ARHGAP17: variants seen among roughly 807,000 people sequenced by gnomAD.
ARHGAP17 encodes Rho GTPase activating protein 17, also known as rho GTPase-activating protein 17.
Under a neutral mutation model 99.5 loss-of-function variants are expected in ARHGAP17, and 57 were observed. The observed-to-expected ratio is 0.57, with a 90% CI of 0.46 to 0.71. The LOEUF is 0.71. Among genes scored for constraint, ARHGAP17 ranks in the 30% least tolerant of loss-of-function variants. ARHGAP17 has a pLI of 0.00. For missense variants in ARHGAP17, 1,000 were observed against 1,122.4 expected (o/e 0.89, Z 1.56); for synonymous variants, 417 against 429.6 (o/e 0.97, Z 0.36).
chr16:24,989,090 G>A (rs945722427), intron 1 of ARHGAP17, among the ~76,000 whole-genome samples: 3 of 152,338 alleles, frequency 2.0e-5, no homozygotes, highest in Admixed American at 1.3e-4. Flanking sequence ...CAGAGGCTAG[G>A]AGGAGCTGAA....
intron 12 of ARHGAP17, 58 bp from the exon 13 acceptor site, chr16:24,949,542 T>C (rs1012888104): frequency 1.4e-6 from 2 of 1,440,466 alleles, no homozygotes; most frequent in African/African-American, 2.8e-5. Context: ...ATCTTATTAA[T>C]ATGCTATGTT....
chr16:24,934,963 G>A (rs1486907700), intron 18 of ARHGAP17, among the ~76,000 whole-genome samples: 3 of 152,170 alleles, frequency 2.0e-5, no homozygotes, highest in East Asian at 1.9e-4. Flanking sequence ...TGAGAAGTTC[G>A]CATGGAAGCC....
chr16:24,961,518 ATTTTTTT>A (rs1171754361), intron 7 of ARHGAP17, among the ~76,000 whole-genome samples: 3 of 81,504 alleles, frequency 3.7e-5, no homozygotes, highest in East Asian at 5.1e-4. Flanking sequence ...AAAAAAAAAA[ATTTTTTT>A]TTTTTTTTTT....
intron 1 of ARHGAP17, among the ~76,000 whole-genome samples, chr16:25,013,670 G>A (rs1403067947): frequency 6.6e-6 from 1 of 151,720 alleles, no homozygotes; most frequent in African/African-American, 2.4e-5. Context: ...TGACCCAGGA[G>A]TCAAAGAGAC....
intron 1 of ARHGAP17, among the ~76,000 whole-genome samples, chr16:24,986,415 A>G (rs984156678): frequency 6.6e-6 from 1 of 152,218 alleles, no homozygotes; most frequent in African/African-American, 2.4e-5. Flanking sequence ...CGCAGGCTCA[A>G]TCTAGCTCAC....
At chr16:24,920,497 G>A in intron 19 of ARHGAP17, 1 of 464,922 alleles carries the variant, frequency 2.2e-6, no homozygotes, top group Non-Finnish European at 3.9e-6. Flanking sequence ...TATGAGCCCG[G>A]AGCAGCCCTT....
chr16:24,927,661 C>G, intron 19 of ARHGAP17: 1 of 1,168,764 alleles, frequency 8.6e-7, no homozygotes, highest in South Asian at 1.6e-5. Context: ...AATGCATTGG[C>G]CAATCAGGTG....
At chr16:25,000,819 G>T (rs1189676502) in intron 1 of ARHGAP17, among the ~76,000 whole-genome samples, 2 of 152,036 alleles carry the variant, frequency 1.3e-5, no homozygotes, top group African/African-American at 4.8e-5. Flanking sequence ...CCATATAGTT[G>T]GACTACTACA....
intron 1 of ARHGAP17, among the ~76,000 whole-genome samples, chr16:24,979,424 C>T (rs1320461997): frequency 1.3e-5 from 2 of 152,168 alleles, no homozygotes; most frequent in Non-Finnish European, 2.9e-5. Flanking sequence ...TTTGAGAAAA[C>T]ACTGTTCTAC....
chr16:25,010,073 C>CT lies in ARHGAP17; in HGVS notation c.53+5135dup, dbSNP rs1420364320. 7.4e-5 allele frequency among the ~76,000 whole-genome samples: 11 copies of CT among 148,624 alleles called. No homozygotes were observed. The South Asian group carries it at 1.9e-3, about 26-fold the overall frequency. ...AACTTAGAAAGTCAGGTTTCTTCCT[C>CT]TTTTTTTTCTTTTTTTTTTTGAGAC... On this transcript the variant is annotated intron_variant, in intron 1 of 19. Transcript: ENST00000289968.
intron 1 of ARHGAP17, among the ~76,000 whole-genome samples, chr16:25,008,874 C>G (rs1417606516): frequency 2.0e-5 from 3 of 152,098 alleles, no homozygotes; most frequent in Non-Finnish European, 4.4e-5. Flanking sequence ...GATTTTCACT[C>G]AACTATAAAT....
intron 1 of ARHGAP17, among the ~76,000 whole-genome samples, chr16:24,992,059 G>A (rs916364201): frequency 1.3e-5 from 2 of 152,166 alleles, no homozygotes; most frequent in Non-Finnish European, 2.9e-5. Context: ...AAAAGGTTTG[G>A]GGAGGAGTGT....
At chr16:24,938,518 T>C (rs1333499665) in intron 17 of ARHGAP17, among the ~76,000 whole-genome samples, 1 of 151,976 alleles carries the variant, frequency 6.6e-6, no homozygotes, top group Non-Finnish European at 1.5e-5. Flanking sequence ...AATCCCAGCA[T>C]TTTGGAAGGC....
intron 1 of ARHGAP17, among the ~76,000 whole-genome samples, chr16:25,005,580 TTA>T (rs1184974644): frequency 1.2e-4 from 18 of 152,344 alleles, no homozygotes; most frequent in Admixed American, 3.3e-4. Context: ...CAGGGATCAA[TTA>T]TATTTTTAAC....
rs754030748 is a variant in ARHGAP17, at chr16:24,968,703, A to G, written c.342T>C (p.Phe114=). Reference sequence around the variant, plus strand: ...GAGGGTCCACGATCTCCTTCTCAACAAAGACTTCGTGCTGGGAGAGCTCGA... The same window carrying G: ...GAGGGTCCACGATCTCCTTCTCAACGAAGACTTCGTGCTGGGAGAGCTCGA... The part of the protein sequence containing the change: ...LALELSQHEV[F]VEKEIVDPLY... The change falls in exon 5 of 20, where the codon TTT becomes TTC. Residue 114 remains phenylalanine, a synonymous_variant. Coordinates refer to ENST00000289968, the MANE Select transcript of ARHGAP17 (RefSeq NM_001006634.3). 7.4e-6 allele frequency: 12 copies of G among 1,614,062 alleles called. No individual in the cohort carries two copies. The highest frequency in any genetic ancestry group is 2.2e-5 in the East Asian group (1 of 44,898).
intron 16 of ARHGAP17, among the ~76,000 whole-genome samples, chr16:24,941,216 C>T (rs1330446894): frequency 2.0e-5 from 3 of 152,182 alleles, no homozygotes; most frequent in Admixed American, 6.5e-5. Flanking sequence ...GAGCTTGTCA[C>T]TTCGTTTTAA....
At chr16:24,983,473 T>A (rs927342740) in intron 1 of ARHGAP17, among the ~76,000 whole-genome samples, 11 of 151,936 alleles carry the variant, frequency 7.2e-5, no homozygotes, top group Non-Finnish European at 1.0e-4. Flanking sequence ...AGGTAATTTT[T>A]AAAATTTTTT....
chr16:24,970,439 C>T, intron 4 of ARHGAP17, 68 bp downstream of exon 4: 1 of 1,455,580 alleles, frequency 6.9e-7, no homozygotes, highest in Non-Finnish European at 9.7e-7. Flanking sequence ...GTCCTACATA[C>T]ACCACCTGGC....
At chr16:24,984,696 A>C (rs2052804523) in intron 1 of ARHGAP17, among the ~76,000 whole-genome samples, 1 of 152,124 alleles carries the variant, frequency 6.6e-6, no homozygotes, top group Admixed American at 6.5e-5. Flanking sequence ...GAATGAATGA[A>C]TGGATGTCTA....
Sources: gnomAD v4.1 joint callset for allele counts (sites outside exome capture counted in the v4.1 genomes callset) on GRCh38, gnomAD v4.1.1 for gene constraint, MANE v1.5 for transcripts, NCBI Gene and HGNC (gene_info 2026-07-23, HGNC 2026-07-21) for gene names.